The following TCF4 variants were observed in gnomAD, a reference collection of about 807,000 sequenced individuals.
The protein encoded by TCF4 is transcription factor 4.
Under a neutral mutation model 82.1 loss-of-function variants are expected in TCF4, and 3 were observed. The observed-to-expected ratio is 0.04, with a 90% confidence interval of 0.02 to 0.09. The LOEUF is 0.09. TCF4 is among the 10% of genes least tolerant of loss of function. TCF4 has a pLI of 1.00. For missense variants in TCF4, 518 were observed against 852.7 expected (o/e 0.61, Z 4.89); for synonymous variants, 276 against 309.6 (o/e 0.89, Z 1.14).
At chr18:55,245,351 A>G (rs2052716977) in intron 15 of TCF4, among the ~76,000 whole-genome samples, 1 of 152,246 alleles carries the variant, frequency 6.6e-6, no homozygotes, top group Non-Finnish European at 1.5e-5. Context: ...AACAGTGCCA[A>G]GTTGCTCCAG....
chr18:55,293,632 GC>G (rs1267698177), intron 8 of TCF4, among the ~76,000 whole-genome samples: 1 of 152,136 alleles, frequency 6.6e-6, no homozygotes, highest in Non-Finnish European at 1.5e-5. Flanking sequence ...CATAGCATTT[GC>G]CACTGCAACA....
At chr18:55,550,592 A>C (rs2097252291) in intron 3 of TCF4, 1 of 152,232 alleles carries the variant, frequency 6.6e-6, no homozygotes, top group Non-Finnish European at 1.5e-5. Context: ...GTACAGCGCC[A>C]CATATACGGA....
At chr18:55,254,765 A>G (rs1264442860) in intron 14 of TCF4, 65 bp from the exon 15 acceptor site, 2 of 1,473,926 alleles carry the variant, frequency 1.4e-6, no homozygotes, top group East Asian at 2.4e-5. Flanking sequence ...TTATACAAGT[A>G]AAATTTTAGT....
intron 11 of TCF4, 101 bp from the exon 12 acceptor site, chr18:55,261,634 CT>C: frequency 8.2e-7 from 1 of 1,214,120 alleles, no homozygotes; most frequent in Non-Finnish European, 1.2e-6. Context: ...ATTTTTAATG[CT>C]AATTACAACA....
intron 3 of TCF4, among the ~76,000 whole-genome samples, chr18:55,541,257 T>C (rs993454196): frequency 5.3e-5 from 8 of 152,166 alleles, no homozygotes; most frequent in African/African-American, 1.9e-4. Context: ...ATCACAATTG[T>C]AGGATTCCCT....
chr18:55,455,335 C>G (rs1746658821), intron 5 of TCF4, among the ~76,000 whole-genome samples: 1 of 151,892 alleles, frequency 6.6e-6, no homozygotes, highest in African/African-American at 2.4e-5. Context: ...AGCGATGAGG[C>G]TCAAACGAGT....
intron 3 of TCF4, among the ~76,000 whole-genome samples, chr18:55,565,769 CAA>C (rs550227672): frequency 7.0e-6 from 1 of 142,890 alleles, no homozygotes; most frequent in Non-Finnish European, 1.5e-5. Context: ...ACTATGAAGC[CAA>C]AAAAAAAACC....
intron 6 of TCF4, among the ~76,000 whole-genome samples, chr18:55,386,178 C>A (rs567603499): frequency 6.6e-6 from 1 of 152,190 alleles, no homozygotes; most frequent in South Asian, 2.1e-4. Context: ...GGAGTCCCCA[C>A]GGCTCCGCTG....
chr18:55,367,056 T>C (rs753581584), intron 6 of TCF4, among the ~76,000 whole-genome samples: 1 of 152,214 alleles, frequency 6.6e-6, no homozygotes, highest in African/African-American at 2.4e-5. Flanking sequence ...TTTACTCACA[T>C]GGTAGAGATG....
intron 3 of TCF4, among the ~76,000 whole-genome samples, chr18:55,567,401 A>G (rs2097419206): frequency 6.6e-6 from 1 of 152,238 alleles, no homozygotes; most frequent in South Asian, 2.1e-4. Context: ...ATTTCAATCT[A>G]CTTTTCTCAA....
At chr18:55,483,238 C>CTT (rs1396504686) in intron 3 of TCF4, among the ~76,000 whole-genome samples, 2 of 152,206 alleles carry the variant, frequency 1.3e-5, no homozygotes, top group Non-Finnish European at 2.9e-5. Context: ...GCTCCTGTGA[C>CTT]TTTGAGAAGA....
intron 5 of TCF4, among the ~76,000 whole-genome samples, chr18:55,429,806 T>C (rs1021575866): frequency 2.2e-5 from 3 of 139,004 alleles, no homozygotes; most frequent in Admixed American, 7.3e-5. Context: ...GGTCAGTTCA[T>C]CAGTGAGTCC....
In TCF4 at chr18:55,587,020, G is replaced by T. The variant is rs770478853; in HGVS notation, c.72+25C>A. ...TTGTTTTGTTTTTTTCACAGCTGTT[G>T]TTAGTTTCCACCGTTCTTTCTTACC... On this transcript the variant is annotated intron_variant, in intron 2 of 19. Coordinates refer to ENST00000354452, the MANE Select transcript of TCF4 (RefSeq NM_001083962.2). The T allele has an allele frequency of 1.4e-5, 22 of 1,603,320 alleles. No homozygotes were observed. In the South Asian group the frequency reaches 1.8e-4, roughly 13 times the overall value.
At chr18:55,251,034 C>T (rs921164747) in intron 15 of TCF4, among the ~76,000 whole-genome samples, 9 of 152,064 alleles carry the variant, frequency 5.9e-5, no homozygotes, top group African/African-American at 1.7e-4. Context: ...CTGGACAAGA[C>T]AAAGAGATAC....
chr18:55,365,191 A>ATATATATATATATATATATATATGTGTG (rs1361444592), intron 6 of TCF4, among the ~76,000 whole-genome samples: 1 of 97,944 alleles, frequency 1.0e-5, no homozygotes, highest in African/African-American at 5.0e-5. Flanking sequence ...ATATATATAT[A>ATATATATATATATATATATATATGTGTG]TGTGTGTGTG....
intron 8 of TCF4, among the ~76,000 whole-genome samples, chr18:55,343,185 A>G (rs1220349067): frequency 1.3e-5 from 2 of 152,138 alleles, no homozygotes; most frequent in African/African-American, 2.4e-5. Context: ...ATGAGAAAAT[A>G]TAAGTCTTTC....
chr18:55,240,114 C>T (rs1050179438), intron 15 of TCF4, among the ~76,000 whole-genome samples: 2 of 152,104 alleles, frequency 1.3e-5, no homozygotes, highest in Admixed American at 6.5e-5. Flanking sequence ...GATAATGACA[C>T]AAAACTGGAT....
chr18:55,629,586 C>T (rs564483114), intron 2 of TCF4, among the ~76,000 whole-genome samples: 10 of 152,188 alleles, frequency 6.6e-5, no homozygotes, highest in Admixed American at 5.2e-4. Context: ...ACTCAGAACC[C>T]GGGTGAGTGA....
chr18:55,429,477 T>C (rs4524013), intron 5 of TCF4, among the ~76,000 whole-genome samples: 38,442 of 152,126 alleles, frequency 0.25, 5,134 homozygotes, highest in East Asian at 0.48. Context: ...AAAAGCCCAT[T>C]TGGGGCCGAG....
Sources: gnomAD v4.1 joint callset for allele counts (sites outside exome capture counted in the v4.1 genomes callset) on GRCh38, gnomAD v4.1.1 for gene constraint, MANE v1.5 for transcripts, NCBI Gene and HGNC (gene_info 2026-07-23, HGNC 2026-07-21) for gene names.